SLIT3: variants seen among roughly 807,000 people sequenced by gnomAD.
SLIT3 encodes the protein slit homolog 3 protein.
Under a neutral mutation model 184.0 loss-of-function variants are expected in SLIT3, and 68 were observed. That is an observed-to-expected ratio of 0.37 (90% CI 0.30 to 0.45). The LOEUF (loss-of-function observed/expected upper bound fraction) is 0.45, where lower values mean the gene tolerates loss of function less well. Among genes scored for constraint, SLIT3 ranks in the 20% least tolerant of loss-of-function variants. The pLI, the probability that SLIT3 is intolerant of heterozygous loss-of-function variation, is 1.00. For missense variants in SLIT3, 1,707 were observed against 2,026.0 expected, an observed-to-expected ratio of 0.84 and a Z score of 3.02; for synonymous variants, 831 against 828.6, an observed-to-expected ratio of 1.00 and a Z score of -0.05.
chr5:169,104,892 T>C (rs1025736053), intron 4 of SLIT3, among the ~76,000 whole-genome samples: 1 of 152,214 alleles, frequency 6.6e-6, no homozygotes. Context: ...GGTCTGCCCT[T>C]CCAATTGTTT....
chr5:168,856,806 T>TATGCGC (rs1554149469), intron 5 of SLIT3, among the ~76,000 whole-genome samples: 3 of 137,740 alleles, frequency 2.2e-5, no homozygotes, highest in African/African-American at 8.3e-5. Context: ...TGTGTGTGTG[T>TATGCGC]GCGCGCGCGC....
chr5:168,880,260 C>T (rs145377978), intron 5 of SLIT3, among the ~76,000 whole-genome samples: 3 of 152,176 alleles, frequency 2.0e-5, no homozygotes, highest in African/African-American at 2.4e-5. Flanking sequence ...ATGTTTTCAC[C>T]GTGATCTGTC....
intron 20 of SLIT3, among the ~76,000 whole-genome samples, chr5:168,727,347 A>G (rs905955904): frequency 3.9e-5 from 6 of 152,174 alleles, no homozygotes; most frequent in Non-Finnish European, 7.3e-5. Flanking sequence ...AAAAAAAGGA[A>G]GATGCACAGC....
At chr5:168,850,412 T>G (rs1214527420) in intron 5 of SLIT3, among the ~76,000 whole-genome samples, 2 of 152,256 alleles carry the variant, frequency 1.3e-5, no homozygotes, top group African/African-American at 4.8e-5. Context: ...AACTGACAAC[T>G]CTTATGCCTA....
intron 4 of SLIT3, among the ~76,000 whole-genome samples, chr5:169,055,457 G>A (rs540942682): frequency 5.9e-5 from 9 of 152,320 alleles, no homozygotes; most frequent in Admixed American, 2.6e-4. Flanking sequence ...GCAAAGGGCC[G>A]GAGGCAGGGA....
chr5:169,085,885 T>TCA (rs1759273531), intron 4 of SLIT3, among the ~76,000 whole-genome samples: 1 of 152,104 alleles, frequency 6.6e-6, no homozygotes, highest in Non-Finnish European at 1.5e-5. Flanking sequence ...TTGCCACCTT[T>TCA]CAAAGCTGGT....
Position 168,712,209 on chromosome 5 carries a change from G to A in SLIT3, c.2555+74C>T, listed in dbSNP as rs1415480544. The stretch of plus-strand genomic sequence containing the variant: ...AAGGACATCTGCCAAAATGCTGACA[G>A]TGATGACATTGTCGCTGACACTTTC... On this transcript the variant is annotated intron_variant, in intron 24 of 35. Transcript: ENST00000519560. 3 of 1,296,746 alleles carry A rather than the reference G, an allele frequency of 2.3e-6. No homozygotes were observed. In the African/African-American group the frequency reaches 4.4e-5, roughly 19 times the overall value. The allele number at this position is 1,296,746 out of a possible 1,614,324, so 80.3% of individuals were successfully genotyped here.
At chr5:169,266,421 T>C (rs746880703) in intron 1 of SLIT3, among the ~76,000 whole-genome samples, 1 of 152,154 alleles carries the variant, frequency 6.6e-6, no homozygotes, top group African/African-American at 2.4e-5. Flanking sequence ...AGAAAAGGAA[T>C]GTGGGTGGAA....
rs1267760316 is a variant in SLIT3 at position 168,707,786 on chromosome 5, G to C, written c.2844+190C>G. ...GACCATATGGGGGCCTCTCTGACTG[G>C]CAGCTCCCGCTAGTTCAGAGAACAG... On this transcript the variant is annotated intron_variant, in intron 26 of 35. Coordinates refer to ENST00000519560, the MANE Select transcript of SLIT3 (RefSeq NM_003062.4). The C allele has an allele frequency of 1.2e-5, 7 of 593,640 alleles. No individual in the cohort carries two copies. In the East Asian group the frequency reaches 2.0e-4, roughly 17 times the overall value. 36.8% of individuals were successfully genotyped at this position (593,640 alleles called of 1,614,324 possible).
rs979861353 is a variant in SLIT3, at chr5:168,662,458, C to G, written c.*3996G>C. ...TCACCCTGGGGCTCTTTTCCCCCACCTTTTTTTTCCCTCTGAGCTTGGGAG... is the reference window on the plus strand; with the variant it reads ...TCACCCTGGGGCTCTTTTCCCCCACGTTTTTTTTCCCTCTGAGCTTGGGAG... On this transcript the variant is annotated 3_prime_UTR_variant, in exon 36 of 36. Coordinates refer to ENST00000519560, the MANE Select transcript of SLIT3 (RefSeq NM_003062.4). The G allele has an allele frequency of 2.0e-5, 3 of 152,006 alleles. No homozygotes were observed. Among genetic ancestry groups the G allele is most frequent in the Admixed American group, 1.3e-4 (2 of 15,234 alleles). The allele number at this position is 152,006 out of a possible 1,614,324, so 9.4% of individuals were successfully genotyped here. A position where few individuals can be genotyped will look rare whatever the true frequency, so the allele number is the denominator to read the frequency against.
At chr5:168,864,108 G>T (rs900190867) in intron 5 of SLIT3, among the ~76,000 whole-genome samples, 1 of 152,058 alleles carries the variant, frequency 6.6e-6, no homozygotes, top group Non-Finnish European at 1.5e-5. Context: ...TACTGCAGGG[G>T]CTGAGGCAGA....
At chr5:169,234,205 A>G (rs1581085818) in intron 3 of SLIT3, among the ~76,000 whole-genome samples, 2 of 152,190 alleles carry the variant, frequency 1.3e-5, no homozygotes, top group African/African-American at 4.8e-5. Context: ...GTAGCTCTAC[A>G]TCCTCCTTAG....
chr5:168,908,542 T>A (rs1237820683), intron 4 of SLIT3, among the ~76,000 whole-genome samples: 1 of 152,140 alleles, frequency 6.6e-6, no homozygotes, highest in Non-Finnish European at 1.5e-5. Flanking sequence ...ACTGCTAAAC[T>A]GAGAAGGGAA....
At chr5:169,171,925 T>C (rs1039943622) in intron 4 of SLIT3, among the ~76,000 whole-genome samples, 1 of 151,148 alleles carries the variant, frequency 6.6e-6, no homozygotes, top group African/African-American at 2.4e-5. Context: ...AGAAATAGAG[T>C]TGAGAAAGTG....
chr5:169,162,043 G>A (rs1232799552), intron 4 of SLIT3, among the ~76,000 whole-genome samples: 2 of 152,178 alleles, frequency 1.3e-5, no homozygotes, highest in Non-Finnish European at 2.9e-5. Flanking sequence ...GTATATATGG[G>A]ATATTCAGTT....
intron 4 of SLIT3, among the ~76,000 whole-genome samples, chr5:168,900,433 G>T (rs1344681997): frequency 2.0e-5 from 3 of 152,120 alleles, no homozygotes; most frequent in African/African-American, 7.2e-5. Flanking sequence ...AGGGCAACGT[G>T]GTGAAAACTC....
intron 4 of SLIT3, among the ~76,000 whole-genome samples, chr5:168,913,227 T>C (rs1435893055): frequency 6.6e-6 from 1 of 151,440 alleles, no homozygotes; most frequent in Non-Finnish European, 1.5e-5. Flanking sequence ...GGGTTTGCCA[T>C]TATTTCTAAT....
At chr5:169,167,483 A>G (rs963046879) in intron 4 of SLIT3, among the ~76,000 whole-genome samples, 36 of 151,784 alleles carry the variant, frequency 2.4e-4, no homozygotes, top group East Asian at 7.9e-4. Context: ...TCACCGTGTT[A>G]GCCAGGATGG....
At chr5:169,089,116 G>A (rs1403723925) in intron 4 of SLIT3, among the ~76,000 whole-genome samples, 1 of 145,456 alleles carries the variant, frequency 6.9e-6, no homozygotes, top group African/African-American at 2.6e-5. Context: ...ATACCGATGT[G>A]CCTAGGATTC....
Sources: allele counts gnomAD v4.1 joint callset (sites outside exome capture counted in the v4.1 genomes callset), GRCh38; gene constraint gnomAD v4.1.1; transcripts MANE v1.5; gene names NCBI Gene and HGNC (gene_info 2026-07-23, HGNC 2026-07-21).